The following SYVN1 variants were observed in gnomAD, a reference collection of about 807,000 sequenced individuals.
SYVN1 encodes the protein synoviolin 1.
SYVN1 carries 17 observed loss-of-function variants against 62.6 expected under a neutral mutation model. That is an observed-to-expected ratio of 0.27 (90% CI 0.19 to 0.41). SYVN1 has a LOEUF of 0.41. Ranked by LOEUF, SYVN1 falls within the 10% of genes least tolerant of loss-of-function variation. SYVN1 has a pLI of 1.00. For synonymous variants in SYVN1, 316 were observed against 304.0 expected (o/e 1.04, Z -0.41); for missense variants, 634 against 818.0 (o/e 0.78, Z 2.74).
intron 11 of SYVN1, 98 bp from the exon 12 acceptor site, chr11:65,130,477 C>A (rs1033190370): frequency 2.1e-6 from 3 of 1,427,906 alleles, no homozygotes; most frequent in African/African-American, 2.9e-5. Context: ...CCTATTCCCA[C>A]AGGCCCTCAG....
At chr11:65,129,692 CCA>C in intron 14 of SYVN1, 35 bp downstream of exon 14, 1 of 1,600,228 alleles carries the variant, frequency 6.2e-7, no homozygotes, top group Non-Finnish European at 8.6e-7. Flanking sequence ...CACTCCTGAC[CCA>C]CCAAACCCAC....
chr11:65,130,885 G>A, intron 10 of SYVN1, 35 bp downstream of exon 10: 1 of 1,612,758 alleles, frequency 6.2e-7, no homozygotes, highest in Non-Finnish European at 8.5e-7. Flanking sequence ...TGGGGCCTGT[G>A]CCCTGCTGTG....
chr11:65,133,343 A>T (rs1158493280), intron 2 of SYVN1, 91 bp from the exon 3 acceptor site: 23 of 1,577,314 alleles, frequency 1.5e-5, no homozygotes, highest in Non-Finnish European at 1.8e-5. Context: ...TCCTCATCAC[A>T]GTTTATTCAA....
Position 65,133,570 on chromosome 11 carries a change from C to G in SYVN1, c.32G>C (p.Ser11Thr). 6 of 1,612,024 alleles carry G rather than the reference C, an allele frequency of 3.7e-6. No individual in the cohort carries two copies. Among genetic ancestry groups the G allele is most frequent in the Non-Finnish European group, 5.1e-6 (6 of 1,180,026 alleles). The change falls in exon 2 of 16, where the codon AGC becomes ACC. Residue 11 changes from serine (S) to threonine (T), a missense_variant. By Grantham distance (58) the Ser-to-Thr change is moderately conservative. Transcript: ENST00000377190. Reference protein sequence around the residue: MFRTAVMMAASLALTGAVVAH... With the variant: MFRTAVMMAATLALTGAVVAH... ...CACCACAGCCCCGGTCAGCGCCAGG[C>G]TGGCCGCCATCATCACTGCCGTGCG...
intron 1 of SYVN1, among the ~76,000 whole-genome samples, chr11:65,133,927 G>A (rs530606345): frequency 2.0e-5 from 3 of 152,382 alleles, no homozygotes; most frequent in East Asian, 3.9e-4. Context: ...GGAGGAGGGG[G>A]AGCTGCACCG....
chr11:65,130,408 G>T, intron 11 of SYVN1, 29 bp from the exon 12 acceptor site: 1 of 1,512,526 alleles, frequency 6.6e-7, no homozygotes, highest in East Asian at 2.3e-5. Context: ...GGTAAGGAAA[G>T]GGCCAAATGG....
At chr11:65,133,383 T>C in intron 2 of SYVN1, 87 bp downstream of exon 2, 1 of 1,587,246 alleles carries the variant, frequency 6.3e-7, no homozygotes, top group Non-Finnish European at 8.6e-7. Flanking sequence ...ACTTCCCTAC[T>C]TACCTGACCT....
At position 65,131,215 on chromosome 11, in the gene SYVN1, G is replaced by A. The variant is rs1382363750; in HGVS notation, c.759-18C>T. The A allele has an allele frequency of 1.2e-6, 2 of 1,614,116 alleles. No individual in the cohort carries two copies. Among genetic ancestry groups the A allele is most frequent in the Non-Finnish European group, 1.7e-6 (2 of 1,179,960 alleles). ...TGAACTGTCTGAAAGGACAGTCAGTGAAAGCAGGAGAAGGGACGGGATCAG... is the reference window on the plus strand; with the variant it reads ...TGAACTGTCTGAAAGGACAGTCAGTAAAAGCAGGAGAAGGGACGGGATCAG... On this transcript the variant is annotated intron_variant, in intron 8 of 15. Transcript: ENST00000377190.
chr11:65,129,993 C>T lies in SYVN1; in HGVS notation c.1408+9G>A, dbSNP rs749126095. On this transcript the variant is annotated intron_variant, in intron 13 of 15. Transcript: ENST00000377190. ...CCCCAAGAAGAACCCAGAGAGTGGCCCAGCTTACCAAAGGGTGGAGGCAGG... is the reference window on the plus strand; with the variant it reads ...CCCCAAGAAGAACCCAGAGAGTGGCTCAGCTTACCAAAGGGTGGAGGCAGG... 6.3e-6 allele frequency: 10 copies of T among 1,593,526 alleles called. No individual in the cohort carries two copies. The East Asian group carries it at 1.1e-4, about 18-fold the overall frequency.
In SYVN1 at chr11:65,128,185, C is replaced by T. The variant is rs143393610; in HGVS notation, c.*197G>A. The T allele has an allele frequency of 3.3e-6, 2 of 606,332 alleles. No individual in the cohort carries two copies. The highest frequency in any genetic ancestry group is 1.9e-5 in the African/African-American group (1 of 53,928). The allele number at this position is 606,332 out of a possible 1,614,324, so 37.6% of individuals were successfully genotyped here. On this transcript the variant is annotated 3_prime_UTR_variant, in exon 16 of 16. Coordinates refer to ENST00000377190, the MANE Select transcript of SYVN1 (RefSeq NM_172230.3). ...AGGAAGGCTGGAACTGACCCGAGAT[C>T]CCCATGGCTGCCTGGGACTGGAGTC...
Position 65,128,608 on chromosome 11 carries a change from T to A in SYVN1, c.1702A>T (p.Thr568Ser). 5 of 1,613,854 alleles carry A rather than the reference T, an allele frequency of 3.1e-6. No individual in the cohort carries two copies. The highest frequency in any genetic ancestry group is 4.2e-6 in the Non-Finnish European group (5 of 1,179,952). The change falls in exon 15 of 16, where the codon ACC becomes TCC. Residue 568 changes from threonine (T) to serine (S), a missense_variant. Around this residue, in one of 2 missense-constraint regions of SYVN1, gnomAD observed 351 missense variants for 373.3 expected, o/e 0.94. Coordinates refer to ENST00000377190, the MANE Select transcript of SYVN1 (RefSeq NM_172230.3). Reference protein sequence around the residue: ...SIPSSEATTPTPGASPPAPEM... With the variant: ...SIPSSEATTPSPGASPPAPEM... ...GGGGCTGGTGGGGAGGCTCCTGGGG[T>A]TGGGGTCGTGGCCTCTGAGCTAGGG... is the stretch of plus-strand genomic sequence containing the variant.
chr11:65,131,182 A>T lies in SYVN1; in HGVS notation c.774T>A (p.Ala258=). The change falls in exon 9 of 16, where the codon GCT becomes GCA. Residue 258 remains alanine, a synonymous_variant. Transcript: ENST00000377190. ...GGCGAGACATGATGGCATCTGTCAC[A>T]GCTTTCTTGAACTGTCTGAAAGGAC... ...MYLAMRQFKK[A]VTDAIMSRRA... is the part of the protein sequence containing the mutation. 6.2e-7 allele frequency: 1 copy of T among 1,614,194 alleles called. No individual in the cohort carries two copies. Among genetic ancestry groups the T allele is most frequent in the Non-Finnish European group, 8.5e-7 (1 of 1,180,020 alleles).
At position 65,128,008 on chromosome 11, in the gene SYVN1, G is replaced by C. The variant is rs1948123116; in HGVS notation, c.*374C>G. On this transcript the variant is annotated 3_prime_UTR_variant, in exon 16 of 16. Coordinates refer to ENST00000377190, the MANE Select transcript of SYVN1 (RefSeq NM_172230.3). Reference sequence around the variant, plus strand: ...ACACTTGGGAACGGGAGCTAATACTGTTCGGCACTGCAGTGTGACTCCGCA... The same window carrying C: ...ACACTTGGGAACGGGAGCTAATACTCTTCGGCACTGCAGTGTGACTCCGCA... 3.0e-6 allele frequency: 1 copy of C among 330,852 alleles called. No homozygotes were observed. Among genetic ancestry groups the C allele is most frequent in the South Asian group, 3.6e-5 (1 of 28,166 alleles). 20.5% of individuals were successfully genotyped at this position (330,852 alleles called of 1,614,324 possible).
Position 65,129,894 on chromosome 11 carries a change from G to C in SYVN1, c.1430C>G (p.Pro477Arg), listed in dbSNP as rs1169713395. 6.2e-7 allele frequency: 1 copy of C among 1,613,930 alleles called. No individual in the cohort carries two copies. Among genetic ancestry groups the C allele is most frequent in the East Asian group, 2.2e-5 (1 of 44,884 alleles). The part of the protein sequence containing the change: ...PPFAFPPMPV[P>R]PAGFAGLTPE... ...GGTCAGCCCAGCAAAGCCCGCAGGG[G>C]GCACAGGCATTGGGGGGAAGGCTGG... Residue 477 changes from proline (P) to arginine (R), a missense_variant, in exon 14 of 16, where the codon CCC (proline) becomes CGC (arginine). Physicochemically the swap from Pro to Arg is moderately radical, Grantham distance 103. This residue lies in a region of SYVN1 where 351 missense variants were observed against 373.3 expected (regional missense o/e 0.94). Coordinates refer to ENST00000377190, the MANE Select transcript of SYVN1 (RefSeq NM_172230.3).
chr11:65,134,324 TGAG>T (rs933711504), intron 1 of SYVN1, 129 bp downstream of exon 1: 46 of 152,674 alleles, frequency 3.0e-4, no homozygotes, highest in African/African-American at 1.0e-3. Context: ...CACCGGCGTC[TGAG>T]GTCTCCGGCC....
intron 1 of SYVN1, 84 bp from the exon 2 acceptor site, chr11:65,133,702 G>T: frequency 1.9e-6 from 2 of 1,069,218 alleles, no homozygotes; most frequent in Non-Finnish European, 1.3e-6. Flanking sequence ...ATTCATAGGA[G>T]AAAGTGGGGG....
chr11:65,128,835 G>T, intron 14 of SYVN1, 121 bp from the exon 15 acceptor site: 2 of 1,092,164 alleles, frequency 1.8e-6, no homozygotes, highest in Non-Finnish European at 2.6e-6. Flanking sequence ...TGGCCCCAGT[G>T]CCTGGCAAAC....
At chr11:65,131,688 A>G in intron 6 of SYVN1, 92 bp from the exon 7 acceptor site, 1 of 1,495,516 alleles carries the variant, frequency 6.7e-7, no homozygotes, top group Non-Finnish European at 9.1e-7. Flanking sequence ...CAGCAGGTGC[A>G]GTGGTACAAT....
chr11:65,130,295 G>A lies in SYVN1; in HGVS notation c.1190C>T (p.Pro397Leu), dbSNP rs746896752. The A allele has an allele frequency of 1.1e-5, 17 of 1,596,744 alleles. No individual in the cohort carries two copies. The South Asian group carries it at 1.8e-4, about 17-fold the overall frequency. ...AGCCACAGCCTCTCCTGAGCTGGGG[G>A]GAGGCGGGACAGGTGGAAAGGGGCC... Reference protein sequence around the residue: ...PMGPFPPVPPPPSSGEAVAPP... With the variant: ...PMGPFPPVPPLPSSGEAVAPP... Residue 397 changes from proline (P) to leucine (L), a missense_variant, in exon 12 of 16, where the codon CCC becomes CTC. Physicochemically the swap from Pro to Leu is moderately conservative, Grantham distance 98. This residue lies in a region of SYVN1 where 351 missense variants were observed against 373.3 expected (regional missense o/e 0.94). Transcript: ENST00000377190.
Sources: gnomAD v4.1 joint callset for allele counts (sites outside exome capture counted in the v4.1 genomes callset) on GRCh38, gnomAD v4.1.1 for gene constraint, gnomAD v4.1.1 regional missense constraint, MANE v1.5 for transcripts, NCBI Gene and HGNC (gene_info 2026-07-23, HGNC 2026-07-21) for gene names.